FLNA: variants seen among roughly 807,000 people sequenced by gnomAD.
The protein encoded by FLNA is filamin A, also known as filamin-A.
FLNA carries 7 observed loss-of-function variants against 157.6 expected under a neutral mutation model. That is an observed-to-expected ratio of 0.04 (90% CI 0.03 to 0.08). The LOEUF is 0.08. FLNA is among the 10% of genes least tolerant of loss of function. The pLI, the probability that FLNA is intolerant of heterozygous loss-of-function variation, is 1.00. For synonymous variants in FLNA, 1,103 were observed against 1,060.8 expected (o/e 1.04, Z -0.77); for missense variants, 1,750 against 2,398.4 (o/e 0.73, Z 5.65).
intron 5 of FLNA, 27 bp downstream of exon 5, chrX:154,367,370 G>C (rs2067770423): frequency 5.8e-6 from 7 of 1,208,206 alleles, no homozygotes; most frequent in Non-Finnish European, 7.8e-6. Flanking sequence ...TTGGCACACG[G>C]GTGCACCCCT....
intron 36 of FLNA, 24 bp from the exon 37 acceptor site, chrX:154,353,481 A>G (rs782095897): frequency 5.8e-6 from 7 of 1,209,810 alleles, no homozygotes; most frequent in Non-Finnish European, 7.8e-6. Flanking sequence ...GCCAGCCATC[A>G]GTGTGCGTCC....
chrX:154,357,074 C>T (rs1003944569), intron 30 of FLNA, among the ~76,000 whole-genome samples, 177 bp downstream of exon 30: 1 of 112,275 alleles, frequency 8.9e-6, no homozygotes, highest in East Asian at 2.8e-4. Flanking sequence ...TGCTCAGCTC[C>T]GGAAGCCTCC....
Position 154,350,087 on chromosome X carries a change from C to A in FLNA, c.7277G>T (p.Gly2426Val). 8.3e-7 allele frequency: 1 copy of A among 1,211,636 alleles called. No homozygotes were observed. The highest frequency in any genetic ancestry group is 1.1e-6 in the Non-Finnish European group (1 of 895,173). The change falls in exon 45 of 48, where the codon GGA becomes GTA. Residue 2426 changes from glycine (G) to valine (V), a missense_variant. Physicochemically the swap from Gly to Val is moderately radical, Grantham distance 109. This residue lies in a region of FLNA where 970 missense variants were observed against 1,302.6 expected (regional missense o/e 0.74). Transcript: ENST00000369850. ...FKIRVGEPGH[G>V]GDPGLVSAYG... ...AGCAGACACCAAGCCTGGGTCCCCTCCATGCCCAGGCTCCCCAACTCGGAT... is the reference window on the plus strand; with the variant it reads ...AGCAGACACCAAGCCTGGGTCCCCTACATGCCCAGGCTCCCCAACTCGGAT...
intron 21 of FLNA, among the ~76,000 whole-genome samples, 198 bp from the exon 22 acceptor site, chrX:154,360,785 G>T (rs2067700496): frequency 9.0e-6 from 1 of 111,319 alleles, no homozygotes; most frequent in Non-Finnish European, 1.9e-5. Context: ...GGTCACTCAC[G>T]CCTGTAATCT....
chrX:154,352,080 G>A, intron 41 of FLNA, 59 bp from the exon 42 acceptor site: 2 of 1,209,178 alleles, frequency 1.7e-6, no homozygotes, highest in Non-Finnish European at 2.2e-6. Context: ...GCCCCCTCCA[G>A]GCATAGCCAA....
At chrX:154,354,103 C>T in intron 34 of FLNA, 48 bp downstream of exon 34, 1 of 1,212,003 alleles carries the variant, frequency 8.3e-7, no homozygotes, top group Non-Finnish European at 1.1e-6. Context: ...AGCCCCATCT[C>T]TCTGTGAGGT....
intron 24 of FLNA, 32 bp downstream of exon 24, chrX:154,359,452 C>G (rs1442756292): frequency 8.3e-7 from 1 of 1,210,734 alleles, no homozygotes; most frequent in African/African-American, 1.7e-5. Flanking sequence ...CCCAGGCCCA[C>G]CAGCCACACG....
In FLNA at chrX:154,349,419, G is replaced by A. The variant is rs1557175268; in HGVS notation, c.7699C>T (p.Leu2567=). 1 of 1,212,046 alleles carries A rather than the reference G, an allele frequency of 8.3e-7. No homozygotes were observed. Among genetic ancestry groups the A allele is most frequent in the South Asian group, 1.8e-5 (1 of 57,076 alleles). ...TTCTGGCCTACGTAGGCCTTGCTCA[G>A]CCCCAGGCCCTTGGCCACCACCTTG... ...ASKVVAKGLG[L]SKAYVGQKSS... is the part of the protein sequence containing the mutation. The change falls in exon 47 of 48, where the codon CTG becomes TTG. Residue 2567 remains leucine, a synonymous_variant. Transcript: ENST00000369850.
intron 27 of FLNA, 34 bp from the exon 28 acceptor site, chrX:154,358,389 G>A (rs1603360579): frequency 4.1e-6 from 5 of 1,211,450 alleles, no homozygotes; most frequent in Non-Finnish European, 5.6e-6. Context: ...CAGTCAGACA[G>A]GTTCTCAGCA....
In FLNA at chrX:154,365,164, T is replaced by A. The variant is rs782206271; in HGVS notation, c.1663A>T (p.Thr555Ser). ...CGCCCGATGTTCTGACCACCCCACG[T>A]GATGGTGACGATATAGGTTCCAGGG... is the stretch of plus-strand genomic sequence containing the variant. ...MVPGTYIVTI[T>S]WGGQNIGRSP... is the part of the protein sequence containing the mutation. The change falls in exon 11 of 48, where the codon ACG becomes TCG. Residue 555 changes from threonine to serine, a missense_variant. Coordinates refer to ENST00000369850, the MANE Select transcript of FLNA (RefSeq NM_001110556.2). 1 of 1,210,083 alleles carries A rather than the reference T, an allele frequency of 8.3e-7. No individual in the cohort carries two copies. Among genetic ancestry groups the A allele is most frequent in the South Asian group, 1.8e-5 (1 of 56,881 alleles).
In FLNA at chrX:154,371,342, G is replaced by A. The variant is rs2067806584; in HGVS notation, c.-97C>T. On this transcript the variant is annotated 5_prime_UTR_variant, in exon 2 of 48. Transcript: ENST00000369850. ...AGGCACCTAGGCGCGCGGGAGGCGA[G>A]GCAGGGAGCAGAGGTTGCGCTGCGG... 9.4e-7 allele frequency: 1 copy of A among 1,063,642 alleles called. No homozygotes were observed. The highest frequency in any genetic ancestry group is 1.3e-6 in the Non-Finnish European group (1 of 790,702). The allele number at this position is 1,063,642 out of a possible 1,213,427, so 87.7% of individuals were successfully genotyped here. A position where few individuals can be genotyped will look rare whatever the true frequency, so the allele number is the denominator to read the frequency against.
chrX:154,351,224 GC>G, intron 43 of FLNA, 183 bp from the exon 44 acceptor site: 1 of 493,931 alleles, frequency 2.0e-6, no homozygotes, highest in Non-Finnish European at 3.5e-6. Context: ...CCCCGCCCCT[GC>G]CCCCACACTC....
At chrX:154,358,752 C>A in intron 26 of FLNA, 184 bp from the exon 27 acceptor site, 1 of 614,200 alleles carries the variant, frequency 1.6e-6, no homozygotes, top group Admixed American at 2.6e-5. Flanking sequence ...CCAGCTGGGA[C>A]CCTTGCCTGC....
intron 23 of FLNA, 43 bp from the exon 24 acceptor site, chrX:154,359,689 C>T (rs1345249844): frequency 8.3e-7 from 1 of 1,209,089 alleles, no homozygotes; most frequent in Admixed American, 2.2e-5. Context: ...CGGGCCACCC[C>T]ACCCACCCCG....
chrX:154,372,427 G>A (rs1204248005), intron 1 of FLNA, among the ~76,000 whole-genome samples: 2 of 112,142 alleles, frequency 1.8e-5, no homozygotes, highest in Non-Finnish European at 3.8e-5. Context: ...CTGGGTCTGG[G>A]TGGGCTTCAG....
rs973501241 is a variant in FLNA at position 154,351,410 on chromosome X, A to G, written c.7023+171T>C. 35 of 450,898 alleles carry G rather than the reference A, an allele frequency of 7.8e-5. No homozygotes were observed. In the African/African-American group the frequency reaches 7.9e-4, roughly 10 times the overall value. The allele number at this position is 450,898 out of a possible 1,213,427, so 37.2% of individuals were successfully genotyped here. A position where few individuals can be genotyped will look rare whatever the true frequency, so the allele number is the denominator to read the frequency against. On this transcript the variant is annotated intron_variant, in intron 43 of 47. Transcript: ENST00000369850. ...AGAAAAACTCCACGTGGTGGGCAGG[A>G]TATTTCCTGCCGACCCCAAGCGTGG...
intron 1 of FLNA, among the ~76,000 whole-genome samples, chrX:154,373,162 C>T (rs782370247): frequency 8.9e-6 from 1 of 112,450 alleles, no homozygotes. Context: ...CCATTCAAGA[C>T]GGGCTTGAAG....
intron 47 of FLNA, 115 bp from the exon 48 acceptor site, chrX:154,349,151 G>A: frequency 2.3e-6 from 2 of 860,809 alleles, no homozygotes. Flanking sequence ...TCTTCCTAAA[G>A]AGCTGCCAGC....
intron 21 of FLNA, among the ~76,000 whole-genome samples, chrX:154,361,093 A>AC (rs2067706428): frequency 9.6e-6 from 1 of 103,759 alleles, no homozygotes; most frequent in Non-Finnish European, 2.0e-5. Flanking sequence ...AGAAAAAAAA[A>AC]AAAAAGAAAT....
Sources: allele counts gnomAD v4.1 joint callset (sites outside exome capture counted in the v4.1 genomes callset), GRCh38; gene constraint gnomAD v4.1.1; regional missense constraint gnomAD v4.1.1; transcripts MANE v1.5; gene names NCBI Gene and HGNC (gene_info 2026-07-23, HGNC 2026-07-21).